CADM2: variants seen among roughly 807,000 people sequenced by gnomAD.
CADM2 encodes cell adhesion molecule 2.
In CADM2, 12 loss-of-function variants were observed where a neutral mutation model predicts 49.8. That is an observed-to-expected ratio of 0.24 (90% CI 0.15 to 0.39). CADM2 has a LOEUF of 0.39. Among genes scored for constraint, CADM2 ranks in the 10% least tolerant of loss-of-function variants. CADM2 has a pLI of 1.00. For synonymous variants in CADM2, 214 were observed against 175.4 expected (o/e 1.22, Z -1.74); for missense variants, 378 against 492.3 (o/e 0.77, Z 2.20).
At chr3:85,657,902 G>C (rs1479190897) in intron 1 of CADM2, among the ~76,000 whole-genome samples, 3 of 151,612 alleles carry the variant, frequency 2.0e-5, no homozygotes, top group Non-Finnish European at 2.9e-5. Context: ...GTTAAGGTAA[G>C]ATCATACTGG....
intron 1 of CADM2, among the ~76,000 whole-genome samples, chr3:85,480,488 G>A: frequency 6.6e-6 from 1 of 151,824 alleles, no homozygotes; most frequent in East Asian, 1.9e-4. Context: ...GTTAGTAAAA[G>A]GGGGAGAATA....
intron 6 of CADM2, among the ~76,000 whole-genome samples, chr3:85,929,314 C>A (rs1365886784): frequency 6.6e-6 from 1 of 151,884 alleles, no homozygotes; most frequent in South Asian, 2.1e-4. Context: ...AGAAAATATT[C>A]CCAATTTCAA....
At chr3:85,875,937 T>C (rs1711770328) in intron 3 of CADM2, among the ~76,000 whole-genome samples, 1 of 152,136 alleles carries the variant, frequency 6.6e-6, no homozygotes, top group African/African-American at 2.4e-5. Flanking sequence ...AGGTAGAACT[T>C]GGCTTATTGT....
chr3:85,508,202 T>C (rs773534527), intron 1 of CADM2, among the ~76,000 whole-genome samples: 2 of 152,176 alleles, frequency 1.3e-5, no homozygotes, highest in Non-Finnish European at 2.9e-5. Context: ...TATTATATCC[T>C]TTGGCTTTTT....
intron 5 of CADM2, among the ~76,000 whole-genome samples, chr3:85,908,982 C>T (rs1717193746): frequency 6.6e-6 from 1 of 152,138 alleles, no homozygotes; most frequent in African/African-American, 2.4e-5. Context: ...CCTCGGCCTC[C>T]CAAAGTGCTG....
At chr3:85,550,180 T>G (rs2061766623) in intron 1 of CADM2, among the ~76,000 whole-genome samples, 1 of 152,188 alleles carries the variant, frequency 6.6e-6, no homozygotes, top group South Asian at 2.1e-4. Flanking sequence ...CCTGCGTTTC[T>G]GCTCTAGTTT....
rs567923134 is a variant in CADM2, at chr3:85,276,190, C to T, written c.61+316522C>T. On this transcript the variant is annotated intron_variant, in intron 1 of 9. Transcript: ENST00000383699. ...AGCCATTAATACACACAAAGATACA[C>T]ACACATCACAATTCCTTTGACCTCA... Among the ~76,000 whole-genome samples the T allele has an allele frequency of 2.6e-5, 4 of 151,340 alleles. No individual in the cohort carries two copies. The South Asian group carries it at 8.3e-4, about 31-fold the overall frequency.
intron 2 of CADM2, among the ~76,000 whole-genome samples, chr3:85,739,939 A>G (rs764964974): frequency 1.1e-4 from 16 of 152,156 alleles, no homozygotes; most frequent in Non-Finnish European, 1.6e-4. Context: ...AGTAATATGC[A>G]AAGTGCAAAT....
Position 85,618,543 on chromosome 3 carries a change from A to G in CADM2, c.62-107979A>G, listed in dbSNP as rs549641071. Among the ~76,000 whole-genome samples the G allele has an allele frequency of 2.0e-4, 30 of 152,244 alleles. No individual in the cohort carries two copies. In the Middle Eastern group the frequency reaches 0.014, roughly 69 times the overall value. ...GCTTAATTCTCTTAACCACCATGGT[A>G]CCTTCCATTCTTAGTTCTACTTAGT... On this transcript the variant is annotated intron_variant, in intron 1 of 9. Transcript: ENST00000383699.
At chr3:85,212,860 T>TCTCTCTCTCTC (rs1559723747) in intron 1 of CADM2, among the ~76,000 whole-genome samples, 1 of 114,936 alleles carries the variant, frequency 8.7e-6, no homozygotes, top group Non-Finnish European at 1.9e-5. Context: ...CTTTCTTTCT[T>TCTCTCTCTCTC]TCTTTCTTTC....
At position 85,598,842 on chromosome 3, in the gene CADM2, AGTGT is replaced by A. The variant is rs532715696; in HGVS notation, c.62-127669_62-127666del. 9.3e-3 allele frequency among the ~76,000 whole-genome samples: 1,266 copies of A among 135,402 alleles called. 23 individuals are homozygous for A. Among genetic ancestry groups the A allele is most frequent in the African/African-American group, 0.029 (1,119 of 38,840 alleles). 88.8% of individuals were successfully genotyped at this position (135,402 alleles called of 152,430 possible). On this transcript the variant is annotated intron_variant, in intron 1 of 9. Coordinates refer to ENST00000383699, the MANE Select transcript of CADM2 (RefSeq NM_001167675.2). ...CATTTGCATACCATGCATATACTTA[AGTGT>A]GTGTGTGTGTATATATATATATATA...
intron 1 of CADM2, among the ~76,000 whole-genome samples, chr3:85,229,144 T>C (rs955820824): frequency 6.6e-6 from 1 of 152,140 alleles, no homozygotes; most frequent in Non-Finnish European, 1.5e-5. Context: ...TCAGCAATGG[T>C]GGACGACCCT....
intron 1 of CADM2, among the ~76,000 whole-genome samples, chr3:85,470,512 G>A (rs941222005): frequency 6.6e-6 from 1 of 152,146 alleles, no homozygotes; most frequent in Admixed American, 6.5e-5. Context: ...CTTTGTGAGA[G>A]TTCAATAGTC....
At chr3:85,485,633 G>A (rs1054874222) in intron 1 of CADM2, among the ~76,000 whole-genome samples, 1 of 151,626 alleles carries the variant, frequency 6.6e-6, no homozygotes, top group Non-Finnish European at 1.5e-5. Context: ...ATAGTTAATT[G>A]CTTAAAATCT....
chr3:85,669,245 T>G (rs2065666322), intron 1 of CADM2, among the ~76,000 whole-genome samples: 1 of 152,158 alleles, frequency 6.6e-6, no homozygotes, highest in African/African-American at 2.4e-5. Flanking sequence ...CTTAGATGGT[T>G]CTGCAGCCAT....
At chr3:85,446,352 G>T (rs1406680997) in intron 1 of CADM2, among the ~76,000 whole-genome samples, 1 of 152,130 alleles carries the variant, frequency 6.6e-6, no homozygotes, top group Admixed American at 6.5e-5. Context: ...ATGCCCCATA[G>T]TTGTACTTTC....
chr3:85,909,284 A>G (rs1465374026), intron 5 of CADM2, among the ~76,000 whole-genome samples: 3 of 152,074 alleles, frequency 2.0e-5, no homozygotes, highest in Admixed American at 1.3e-4. Context: ...GTGGATTATG[A>G]AAGAAAGAAA....
At chr3:85,209,251 G>A (rs1001313546) in intron 1 of CADM2, among the ~76,000 whole-genome samples, 3 of 152,206 alleles carry the variant, frequency 2.0e-5, no homozygotes, top group Middle Eastern at 3.4e-3. Context: ...TAAATACGTT[G>A]GTTCAGATTT....
intron 3 of CADM2, among the ~76,000 whole-genome samples, chr3:85,821,154 A>G (rs765099951): frequency 5.3e-5 from 8 of 152,106 alleles, no homozygotes; most frequent in African/African-American, 7.2e-5. Context: ...TTGCCTTTGG[A>G]GATGAAGTTT....
Sources: allele counts gnomAD v4.1 joint callset (sites outside exome capture counted in the v4.1 genomes callset), GRCh38; gene constraint gnomAD v4.1.1; transcripts MANE v1.5; gene names NCBI Gene and HGNC (gene_info 2026-07-23, HGNC 2026-07-21).